The following DBT variants were observed in gnomAD, a reference collection of about 807,000 sequenced individuals.
DBT encodes lipoamide acyltransferase component of branched-chain alpha-keto acid dehydrogenase complex, mitochondrial.
Under a neutral mutation model 51.3 loss-of-function variants are expected in DBT, and 40 were observed. The ratio of observed to expected loss-of-function variants is 0.78; its 90% confidence interval spans 0.61 to 1.02. The LOEUF is 1.02. Among genes scored for constraint, DBT ranks in the 50% least tolerant of loss-of-function variants. DBT has a pLI of 0.00. For synonymous variants in DBT, 181 were observed against 190.4 expected (o/e 0.95, Z 0.41); for missense variants, 510 against 580.2 (o/e 0.88, Z 1.24).
At position 100,187,007 on chromosome 1, in the gene DBT, T is replaced by C. The variant is rs1268988830; in HGVS notation, c.*9248A>G. On this transcript the variant is annotated 3_prime_UTR_variant, in exon 11 of 11. Coordinates refer to ENST00000370132, the MANE Select transcript of DBT (RefSeq NM_001918.5). ...ATTGGAAATGACTTTTAAATCTCCA[T>C]TTGAGAAAAAGCATGCCATGAGTCT... is the stretch of plus-strand genomic sequence containing the variant. 2 of 152,188 alleles carry C rather than the reference T, an allele frequency of 1.3e-5. No individual in the cohort carries two copies. Among genetic ancestry groups the C allele is most frequent in the Non-Finnish European group, 2.9e-5 (2 of 68,032 alleles). The allele number at this position is 152,188 out of a possible 1,614,324, so 9.4% of individuals were successfully genotyped here.
At position 100,191,059 on chromosome 1, in the gene DBT, G is replaced by C. The variant is rs933063340; in HGVS notation, c.*5196C>G. 2.0e-5 allele frequency: 3 copies of C among 152,156 alleles called. No individual in the cohort carries two copies. Among genetic ancestry groups the C allele is most frequent in the African/African-American group, 7.2e-5 (3 of 41,422 alleles). 9.4% of individuals were successfully genotyped at this position (152,156 alleles called of 1,614,324 possible). A position where few individuals can be genotyped will look rare whatever the true frequency, so the allele number is the denominator to read the frequency against. On this transcript the variant is annotated 3_prime_UTR_variant, in exon 11 of 11. Transcript: ENST00000370132. The stretch of plus-strand genomic sequence containing the variant: ...ATGGAGTTCTGTTAATCTTCTGTTT[G>C]ACCAAATAACTAGGATTGGGAATTT...
At position 100,190,897 on chromosome 1, in the gene DBT, G is replaced by A. The variant is rs1374831554; in HGVS notation, c.*5358C>T. The A allele has an allele frequency of 6.6e-6, 1 of 152,190 alleles. No homozygotes were observed. Among genetic ancestry groups the A allele is most frequent in the Non-Finnish European group, 1.5e-5 (1 of 68,034 alleles). 9.4% of individuals were successfully genotyped at this position (152,190 alleles called of 1,614,324 possible). On this transcript the variant is annotated 3_prime_UTR_variant, in exon 11 of 11. Coordinates refer to ENST00000370132, the MANE Select transcript of DBT (RefSeq NM_001918.5). ...GACCCGAACAGGTACTGTAAAGAGTGCCTTGGGCATGCGCTGTAGAATTTG... is the reference window on the plus strand; with the variant it reads ...GACCCGAACAGGTACTGTAAAGAGTACCTTGGGCATGCGCTGTAGAATTTG...
At chr1:100,198,040 A>T (rs985387776) in intron 10 of DBT, among the ~76,000 whole-genome samples, 1 of 152,254 alleles carries the variant, frequency 6.6e-6, no homozygotes, top group Non-Finnish European at 1.5e-5. Flanking sequence ...TATTGAACAG[A>T]TATTTATAAA....
At chr1:100,211,184 A>G in intron 7 of DBT, 1 of 766,140 alleles carries the variant, frequency 1.3e-6, no homozygotes, top group Non-Finnish European at 2.4e-6. Flanking sequence ...AAGAACACGT[A>G]ACGAGGATTT....
chr1:100,230,201 T>C (rs992779128), intron 4 of DBT, among the ~76,000 whole-genome samples: 1 of 152,208 alleles, frequency 6.6e-6, no homozygotes, highest in African/African-American at 2.4e-5. Context: ...AAGGCAGGAC[T>C]TCAGGTAAAT....
At chr1:100,208,414 T>C (rs1661927928) in intron 8 of DBT, among the ~76,000 whole-genome samples, 1 of 152,158 alleles carries the variant, frequency 6.6e-6, no homozygotes. Flanking sequence ...TATGACAACA[T>C]GAACCAACAT....
intron 1 of DBT, among the ~76,000 whole-genome samples, chr1:100,245,973 A>T (rs1039796465): frequency 6.6e-6 from 1 of 151,770 alleles, no homozygotes; most frequent in African/African-American, 2.4e-5. Flanking sequence ...TAAATAAAAT[A>T]AAAAATTAGG....
At position 100,191,537 on chromosome 1, in the gene DBT, C is replaced by A. The variant is rs1660801692; in HGVS notation, c.*4718G>T. 6.6e-6 allele frequency: 1 copy of A among 152,258 alleles called. No individual in the cohort carries two copies. The highest frequency in any genetic ancestry group is 2.4e-5 in the African/African-American group (1 of 41,534). 9.4% of individuals were successfully genotyped at this position (152,258 alleles called of 1,614,324 possible). ...GCAATGCCTTACTTTACATAGTTAA[C>A]TTCCTTTTTAATCTGCCCATAAAAA... is the stretch of plus-strand genomic sequence containing the variant. On this transcript the variant is annotated 3_prime_UTR_variant, in exon 11 of 11. Transcript: ENST00000370132.
intron 7 of DBT, among the ~76,000 whole-genome samples, chr1:100,212,443 C>T (rs1428811239): frequency 6.6e-6 from 1 of 151,652 alleles, no homozygotes; most frequent in Non-Finnish European, 1.5e-5. Flanking sequence ...GAGGCTGAGG[C>T]AGAGGATCAC....
chr1:100,193,482 T>G lies in DBT; in HGVS notation c.*2773A>C, dbSNP rs886849093. 2 of 152,224 alleles carry G rather than the reference T, an allele frequency of 1.3e-5. No individual in the cohort carries two copies. The highest frequency in any genetic ancestry group is 4.8e-5 in the African/African-American group (2 of 41,458). The allele number at this position is 152,224 out of a possible 1,614,324, so 9.4% of individuals were successfully genotyped here. On this transcript the variant is annotated 3_prime_UTR_variant, in exon 11 of 11. Coordinates refer to ENST00000370132, the MANE Select transcript of DBT (RefSeq NM_001918.5). ...TAATATCTGTCTCCTTACTAGACTG[T>G]AAGCCCAATCAAGGAAGCATGAAGG... is the stretch of plus-strand genomic sequence containing the variant.
chr1:100,198,701 G>A (rs904601972), intron 10 of DBT, among the ~76,000 whole-genome samples: 3 of 152,138 alleles, frequency 2.0e-5, no homozygotes, highest in African/African-American at 7.2e-5. Flanking sequence ...GAACTGATTT[G>A]GAAATAGTGA....
intron 4 of DBT, among the ~76,000 whole-genome samples, chr1:100,227,023 A>C (rs1663258052): frequency 6.6e-6 from 1 of 152,234 alleles, no homozygotes; most frequent in Non-Finnish European, 1.5e-5. Context: ...GGTATAGCCT[A>C]CTACGCACCT....
intron 4 of DBT, among the ~76,000 whole-genome samples, chr1:100,219,295 T>C (rs1196326684): frequency 1.3e-5 from 2 of 151,958 alleles, no homozygotes; most frequent in Non-Finnish European, 2.9e-5. Flanking sequence ...GAGGCTGCAG[T>C]GAGCTGTAAT....
At chr1:100,225,092 CACAT>C (rs1387267347) in intron 4 of DBT, among the ~76,000 whole-genome samples, 5 of 137,668 alleles carry the variant, frequency 3.6e-5, no homozygotes, top group African/African-American at 1.4e-4. Flanking sequence ...CACACACACA[CACAT>C]ATAATCTGAT....
Position 100,206,559 on chromosome 1 carries a change from G to T in DBT, c.1095C>A (p.Cys365Ter). ...IVPNVKNVQI[C>*]SIFDIATELN... is the part of the protein sequence containing the mutation. ...GTTCAGTGGCGATGTCAAATATAGAGCAGATCTGAACATTTTTCACATTAG... is the reference window on the plus strand; with the variant it reads ...GTTCAGTGGCGATGTCAAATATAGATCAGATCTGAACATTTTTCACATTAG... Residue 365 changes from cysteine (C) to a stop codon, truncating the protein, a stop_gained, in exon 9 of 11, where the codon TGC becomes TGA. Coordinates refer to ENST00000370132, the MANE Select transcript of DBT (RefSeq NM_001918.5). LOFTEE classifies it high-confidence loss of function. 6.2e-7 allele frequency: 1 copy of T among 1,611,128 alleles called. No individual in the cohort carries two copies. Among genetic ancestry groups the T allele is most frequent in the Non-Finnish European group, 8.5e-7 (1 of 1,177,290 alleles).
intron 5 of DBT, among the ~76,000 whole-genome samples, chr1:100,217,362 A>G (rs949553540): frequency 3.9e-5 from 6 of 152,200 alleles, no homozygotes; most frequent in Admixed American, 6.5e-5. Flanking sequence ...CCACGTTACT[A>G]TATCTATTTT....
At chr1:100,198,128 G>C (rs1318284195) in intron 10 of DBT, among the ~76,000 whole-genome samples, 2 of 152,142 alleles carry the variant, frequency 1.3e-5, no homozygotes, top group Admixed American at 6.5e-5. Context: ...ATTGATGGAT[G>C]AATGTATAAA....
At chr1:100,213,414 C>T in intron 7 of DBT, 1 of 1,581,636 alleles carries the variant, frequency 6.3e-7, no homozygotes, top group Non-Finnish European at 8.6e-7. Context: ...CCGCAGCCGC[C>T]CTACTCCTAC....
chr1:100,224,687 T>C (rs1007658901), intron 4 of DBT, among the ~76,000 whole-genome samples: 1 of 152,048 alleles, frequency 6.6e-6, no homozygotes, highest in Middle Eastern at 3.2e-3. Context: ...TTTACTGAGA[T>C]AGAGCTGACA....
Sources: allele counts gnomAD v4.1 joint callset (sites outside exome capture counted in the v4.1 genomes callset), GRCh38; gene constraint gnomAD v4.1.1; transcripts MANE v1.5; gene names NCBI Gene and HGNC (gene_info 2026-07-23, HGNC 2026-07-21).